The following THSD7A variants were observed in gnomAD, a reference collection of about 807,000 sequenced individuals.
THSD7A encodes thrombospondin type 1 domain containing 7A.
In THSD7A, 96 loss-of-function variants were observed where a neutral mutation model predicts 231.3. The observed-to-expected ratio is 0.41, with a 90% confidence interval of 0.35 to 0.49. The LOEUF (loss-of-function observed/expected upper bound fraction) is 0.49, where lower values mean the gene tolerates loss of function less well. THSD7A is among the 20% of genes least tolerant of loss of function. The pLI is 0.05. For missense variants in THSD7A, 2,290 were observed against 2,070.2 expected, an observed-to-expected ratio of 1.11 and a Z score of -2.06; for synonymous variants, 940 against 743.3, an observed-to-expected ratio of 1.26 and a Z score of -4.30.
At chr7:11,380,718 ACT>A (rs1345136851) in intron 24 of THSD7A, among the ~76,000 whole-genome samples, 5 of 152,170 alleles carry the variant, frequency 3.3e-5, no homozygotes, top group Non-Finnish European at 7.3e-5. Flanking sequence ...TAGGTAATAT[ACT>A]TTACATGCTT....
At chr7:11,383,825 T>TA (rs1031510716) in intron 23 of THSD7A, 4 of 152,046 alleles carry the variant, frequency 2.6e-5, no homozygotes, top group African/African-American at 9.7e-5. Context: ...CAGTGATTCT[T>TA]AAAGTGCGGT....
At chr7:11,827,671 T>A (rs538507578) in intron 1 of THSD7A, among the ~76,000 whole-genome samples, 1 of 152,258 alleles carries the variant, frequency 6.6e-6, no homozygotes, top group South Asian at 2.1e-4. Flanking sequence ...CTCCCATGGC[T>A]TGAAATATAC....
chr7:11,506,150 C>G (rs1012425252), intron 6 of THSD7A, among the ~76,000 whole-genome samples: 1 of 151,546 alleles, frequency 6.6e-6, no homozygotes, highest in East Asian at 1.9e-4. Flanking sequence ...TGACACCACG[C>G]CTGGCTAATT....
At position 11,829,811 on chromosome 7, in the gene THSD7A, A is replaced by T. The variant is rs181734652; in HGVS notation, c.190+1946T>A. 8.8e-4 allele frequency among the ~76,000 whole-genome samples: 134 copies of T among 152,242 alleles called. 1 individual carries two copies. The highest frequency in any genetic ancestry group is 2.8e-3 in the African/African-American group (118 of 41,564). ...TCTCCTTTCCCTTTGGTAAAAAAAA[A>T]AAAATAAAGAAGTCATTATTTTGCT... is the stretch of plus-strand genomic sequence containing the variant. On this transcript the variant is annotated intron_variant, in intron 1 of 27. Transcript: ENST00000423059.
chr7:11,636,639 A>G lies in THSD7A; in HGVS notation c.513T>C (p.Asp171=), dbSNP rs761620547. 9.9e-6 allele frequency: 16 copies of G among 1,613,836 alleles called. No homozygotes were observed. Among genetic ancestry groups the G allele is most frequent in the Non-Finnish European group, 1.1e-5 (13 of 1,179,890 alleles). The part of the protein sequence containing the change: ...IQKDKDIPAE[D]IICEYFEPKP... The stretch of plus-strand genomic sequence containing the variant: ...TGGGCTCAAAGTACTCACAGATGAT[A>G]TCCTCCGCAGGAATGTCTTTGTCTT... The change falls in exon 2 of 28, where the codon GAT becomes GAC. Residue 171 remains aspartate (D), a synonymous_variant. Transcript: ENST00000423059. The surrounding 1 kb of genome is among the most constrained non-coding windows in gnomAD (Gnocchi z 10.0).
chr7:11,748,659 C>T (rs570316162), intron 1 of THSD7A, among the ~76,000 whole-genome samples: 4 of 152,052 alleles, frequency 2.6e-5, no homozygotes, highest in African/African-American at 9.6e-5. Flanking sequence ...TATGTACAAA[C>T]TATCATCAGA....
intron 2 of THSD7A, among the ~76,000 whole-genome samples, chr7:11,595,173 C>T (rs571059471): frequency 1.3e-5 from 2 of 152,242 alleles, no homozygotes; most frequent in African/African-American, 4.8e-5. Flanking sequence ...CAGGAGCCAC[C>T]CCCAACACCC....
chr7:11,466,652 G>A (rs1358622451), intron 9 of THSD7A, among the ~76,000 whole-genome samples: 1 of 151,968 alleles, frequency 6.6e-6, no homozygotes, highest in Non-Finnish European at 1.5e-5. Flanking sequence ...GAAACAACAT[G>A]AGCTGCCAAA....
At chr7:11,467,885 T>C (rs917007127) in intron 9 of THSD7A, among the ~76,000 whole-genome samples, 48 of 152,020 alleles carry the variant, frequency 3.2e-4, no homozygotes, top group Admixed American at 9.8e-4. Flanking sequence ...TATCCAAAAT[T>C]ATTTTCAAAT....
chr7:11,644,323 T>C (rs1001479191), intron 1 of THSD7A, among the ~76,000 whole-genome samples: 1 of 151,964 alleles, frequency 6.6e-6, no homozygotes, highest in Non-Finnish European at 1.5e-5. Flanking sequence ...ATTATACTAA[T>C]TGAATTGATT....
intron 1 of THSD7A, among the ~76,000 whole-genome samples, chr7:11,712,017 C>T (rs1780982040): frequency 6.6e-6 from 1 of 151,034 alleles, no homozygotes; most frequent in African/African-American, 2.4e-5. Flanking sequence ...TGAAACCTTC[C>T]TCCCAGCTAA....
At chr7:11,819,250 C>T (rs567709909) in intron 1 of THSD7A, among the ~76,000 whole-genome samples, 1 of 152,146 alleles carries the variant, frequency 6.6e-6, no homozygotes, top group Non-Finnish European at 1.5e-5. Flanking sequence ...ATGGAACAGC[C>T]ACTTTGGAAG....
At chr7:11,667,605 T>C (rs1224569367) in intron 1 of THSD7A, among the ~76,000 whole-genome samples, 3 of 152,180 alleles carry the variant, frequency 2.0e-5, no homozygotes, top group East Asian at 1.9e-4. Context: ...TTATAGACTA[T>C]GACCACATTA....
At chr7:11,710,481 G>T (rs527785591) in intron 1 of THSD7A, among the ~76,000 whole-genome samples, 2 of 150,770 alleles carry the variant, frequency 1.3e-5, no homozygotes, top group African/African-American at 4.9e-5. Flanking sequence ...AAAACATGCT[G>T]CAAAATTTGT....
At chr7:11,683,846 G>A (rs1166922283) in intron 1 of THSD7A, among the ~76,000 whole-genome samples, 1 of 151,932 alleles carries the variant, frequency 6.6e-6, no homozygotes, top group Non-Finnish European at 1.5e-5. Flanking sequence ...AAATTGAGGA[G>A]GAGGAATTCC....
At chr7:11,477,652 G>C (rs756383045) in intron 7 of THSD7A, among the ~76,000 whole-genome samples, 5 of 152,190 alleles carry the variant, frequency 3.3e-5, no homozygotes, top group Non-Finnish European at 5.9e-5. Flanking sequence ...ATTCAAGTTG[G>C]CTTCTGTGGC....
At chr7:11,500,724 G>T (rs529519106) in intron 6 of THSD7A, among the ~76,000 whole-genome samples, 6 of 152,080 alleles carry the variant, frequency 3.9e-5, no homozygotes, top group African/African-American at 1.2e-4. Context: ...TGGATCACGA[G>T]GTAGGTTCAA....
At chr7:11,546,994 C>T (rs1449695151) in intron 4 of THSD7A, among the ~76,000 whole-genome samples, 1 of 151,996 alleles carries the variant, frequency 6.6e-6, no homozygotes, top group Non-Finnish European at 1.5e-5. Flanking sequence ...TCAAATCAGA[C>T]AGACAAAAAT....
chr7:11,731,177 C>A (rs896894440), intron 1 of THSD7A, among the ~76,000 whole-genome samples: 1 of 151,474 alleles, frequency 6.6e-6, no homozygotes, highest in African/African-American at 2.4e-5. Context: ...TCCCTTATTT[C>A]CTTATGCTAT....
Sources: gnomAD v4.1 joint callset for allele counts (sites outside exome capture counted in the v4.1 genomes callset) on GRCh38, gnomAD v4.1.1 for gene constraint, Gnocchi (gnomAD v3.1) non-coding constraint, MANE v1.5 for transcripts, NCBI Gene and HGNC (gene_info 2026-07-23, HGNC 2026-07-21) for gene names.